The following PRKD1 variants were observed in gnomAD, a reference collection of about 807,000 sequenced individuals.
PRKD1 encodes serine/threonine-protein kinase D1.
In PRKD1, 63 loss-of-function variants were observed where a neutral mutation model predicts 95.9. That is an observed-to-expected ratio of 0.66 (90% CI 0.54 to 0.81). The LOEUF is 0.81. Among genes scored for constraint, PRKD1 ranks in the 30% least tolerant of loss-of-function variants. PRKD1 has a pLI of 0.00. For synonymous variants in PRKD1, 425 were observed against 423.1 expected (o/e 1.00, Z -0.05); for missense variants, 1,048 against 1,165.3 (o/e 0.90, Z 1.47).
chr14:29,790,155 G>C (rs917696306), intron 1 of PRKD1, among the ~76,000 whole-genome samples: 1 of 151,748 alleles, frequency 6.6e-6, no homozygotes, highest in Non-Finnish European at 1.5e-5. Flanking sequence ...TGGACTACAG[G>C]TGCGTGCCAC....
At chr14:29,685,723 T>C (rs1052714065) in intron 2 of PRKD1, among the ~76,000 whole-genome samples, 1 of 134,946 alleles carries the variant, frequency 7.4e-6, no homozygotes, top group African/African-American at 3.2e-5. Flanking sequence ...AAGATGTATC[T>C]TTATCCTCAT....
In PRKD1 at chr14:29,715,799, T is replaced by C. The variant is rs554850682; in HGVS notation, c.403+9737A>G. ...AACTCATCCATTTCATTATATCCTATGTGTCAAGCTTTCATTTTTGACATG... is the reference window on the plus strand; with the variant it reads ...AACTCATCCATTTCATTATATCCTACGTGTCAAGCTTTCATTTTTGACATG... On this transcript the variant is annotated intron_variant, in intron 2 of 17. Transcript: ENST00000331968. Among the ~76,000 whole-genome samples the C allele has an allele frequency of 1.9e-4, 29 of 152,348 alleles. No homozygotes were observed. The South Asian group carries it at 5.8e-3, about 30-fold the overall frequency.
Position 29,844,142 on chromosome 14 carries a change from G to A in PRKD1, c.264+83107C>T, listed in dbSNP as rs186164724. On this transcript the variant is annotated intron_variant, in intron 1 of 17. Transcript: ENST00000331968. ...ACCTGGCTCCAGATTTTCTTTAAGG[G>A]CAAGTGAGGGAAACTTGGAAGAAAA... Among the ~76,000 whole-genome samples, 21 of 152,290 alleles carry A rather than the reference G, an allele frequency of 1.4e-4. No individual in the cohort carries two copies. In the South Asian group the frequency reaches 3.1e-3, roughly 23 times the overall value.
intron 1 of PRKD1, among the ~76,000 whole-genome samples, chr14:29,867,126 A>C (rs1363689729): frequency 6.6e-6 from 1 of 152,196 alleles, no homozygotes; most frequent in Admixed American, 6.5e-5. Flanking sequence ...AATTGGATAG[A>C]AGCTTCAATC....
intron 13 of PRKD1, among the ~76,000 whole-genome samples, chr14:29,617,984 T>C (rs1044427829): frequency 1.3e-5 from 2 of 152,020 alleles, no homozygotes; most frequent in Admixed American, 6.6e-5. Flanking sequence ...GGTGGGAGGA[T>C]TGCTTGAACC....
intron 1 of PRKD1, among the ~76,000 whole-genome samples, chr14:29,802,086 G>A (rs1260547024): frequency 6.6e-6 from 1 of 152,026 alleles, no homozygotes; most frequent in African/African-American, 2.4e-5. Flanking sequence ...GAAGAAAGGA[G>A]CGAAGGAAGA....
At chr14:29,669,085 C>A (rs886996696) in intron 2 of PRKD1, among the ~76,000 whole-genome samples, 1 of 152,000 alleles carries the variant, frequency 6.6e-6, no homozygotes, top group Non-Finnish European at 1.5e-5. Context: ...TTAAAGAGTA[C>A]AATTAAATAC....
At chr14:29,597,372 T>C in intron 16 of PRKD1, 119 bp downstream of exon 16, 1 of 1,080,370 alleles carries the variant, frequency 9.3e-7, no homozygotes, top group Non-Finnish European at 1.3e-6. Flanking sequence ...GTCTCCACTC[T>C]GGTGGGCACT....
At chr14:29,619,053 G>A (rs1879066454) in intron 13 of PRKD1, among the ~76,000 whole-genome samples, 1 of 152,200 alleles carries the variant, frequency 6.6e-6, no homozygotes, top group Admixed American at 6.5e-5. Context: ...CCACAAAGTA[G>A]AAGATACCAA....
intron 2 of PRKD1, among the ~76,000 whole-genome samples, chr14:29,695,051 G>A (rs1042410760): frequency 3.3e-5 from 5 of 151,976 alleles, no homozygotes; most frequent in Non-Finnish European, 7.4e-5. Flanking sequence ...TGCCCAATAT[G>A]GCAAAACCCC....
intron 15 of PRKD1, 98 bp downstream of exon 15, chr14:29,598,929 T>A (rs370485901): frequency 9.8e-7 from 1 of 1,021,796 alleles, no homozygotes; most frequent in Admixed American, 2.2e-5. Flanking sequence ...TTGAAACAAA[T>A]AAAGGTTTTA....
At chr14:29,924,436 C>T (rs1036322756) in intron 1 of PRKD1, among the ~76,000 whole-genome samples, 1 of 152,090 alleles carries the variant, frequency 6.6e-6, no homozygotes, top group Non-Finnish European at 1.5e-5. Context: ...CTTATGCAGC[C>T]TTGTACACCT....
At chr14:29,880,341 C>T (rs1169259524) in intron 1 of PRKD1, among the ~76,000 whole-genome samples, 1 of 152,192 alleles carries the variant, frequency 6.6e-6, no homozygotes, top group Non-Finnish European at 1.5e-5. Flanking sequence ...GGGTGGAAAC[C>T]TCAAGCCTTG....
chr14:29,738,779 TTC>T (rs1471008216), intron 1 of PRKD1, among the ~76,000 whole-genome samples: 1 of 151,664 alleles, frequency 6.6e-6, no homozygotes, highest in African/African-American at 2.4e-5. Flanking sequence ...CCTTCCTTCC[TTC>T]TTTCTTTCTC....
At chr14:29,784,810 A>C (rs1400120401) in intron 1 of PRKD1, among the ~76,000 whole-genome samples, 1 of 152,198 alleles carries the variant, frequency 6.6e-6, no homozygotes, top group Non-Finnish European at 1.5e-5. Context: ...TTATCAAACA[A>C]ATTATCAGAT....
At chr14:29,695,234 CAAAAAAAAA>C (rs34575259) in intron 2 of PRKD1, among the ~76,000 whole-genome samples, 1 of 95,176 alleles carries the variant, frequency 1.1e-5, no homozygotes, top group Non-Finnish European at 2.2e-5. Flanking sequence ...AACTCCATCT[CAAAAAAAAA>C]AAAAAAAAAG....
At chr14:29,803,976 T>C (rs182076183) in intron 1 of PRKD1, among the ~76,000 whole-genome samples, 1 of 152,244 alleles carries the variant, frequency 6.6e-6, no homozygotes, top group Non-Finnish European at 1.5e-5. Context: ...GTGCAGTGGC[T>C]CACACCTGTA....
chr14:29,643,870 C>T (rs73255538), intron 4 of PRKD1, among the ~76,000 whole-genome samples: 4,277 of 152,122 alleles, frequency 0.028, 184 homozygotes, highest in African/African-American at 0.091. Flanking sequence ...TATTTCTGTG[C>T]GTTAACTAAA....
chr14:29,866,050 A>T (rs931996147), intron 1 of PRKD1, among the ~76,000 whole-genome samples: 4 of 152,204 alleles, frequency 2.6e-5, no homozygotes, highest in African/African-American at 9.7e-5. Context: ...ATCAAAATGA[A>T]CAAAAAGTAC....
Sources: allele counts gnomAD v4.1 joint callset (sites outside exome capture counted in the v4.1 genomes callset), GRCh38; gene constraint gnomAD v4.1.1; transcripts MANE v1.5; gene names NCBI Gene and HGNC (gene_info 2026-07-23, HGNC 2026-07-21).